The following UBE2H variants were observed in gnomAD, a reference collection of about 807,000 sequenced individuals.
The protein encoded by UBE2H is ubiquitin-conjugating enzyme E2 H.
A neutral mutation model predicts 29.0 loss-of-function variants in UBE2H; 3 were observed. The ratio of observed to expected loss-of-function variants is 0.10; its 90% CI spans 0.05 to 0.27. The LOEUF (loss-of-function observed/expected upper bound fraction) is 0.27. Among genes scored for constraint, UBE2H ranks in the 10% least tolerant of loss-of-function variants. The pLI, the probability that UBE2H is intolerant of heterozygous loss-of-function variation, is 1.00. For synonymous variants in UBE2H, 69 were observed against 82.9 expected (o/e 0.83, Z 0.91); for missense variants, 68 against 228.2 (o/e 0.30, Z 4.52).
chr7:129,941,257 G>A (rs567640168), intron 1 of UBE2H, among the ~76,000 whole-genome samples: 1 of 152,014 alleles, frequency 6.6e-6, no homozygotes, highest in East Asian at 1.9e-4. Context: ...TGCCCAGGCT[G>A]GTTGGTCTCG....
intron 5 of UBE2H, among the ~76,000 whole-genome samples, chr7:129,846,346 AAATAATAATAAT>A (rs71175044): frequency 0.77 from 113,025 of 146,300 alleles, 44,049 homozygotes; most frequent in Non-Finnish European, 0.82. Flanking sequence ...GGTCTCTACA[AAATAATAATAAT>A]AATAATAATA....
intron 1 of UBE2H, among the ~76,000 whole-genome samples, chr7:129,935,384 G>A (rs1807505990): frequency 6.7e-6 from 1 of 148,508 alleles, no homozygotes; most frequent in African/African-American, 2.5e-5. Flanking sequence ...CTGCACTCCA[G>A]CCTGGGCGAC....
chr7:129,908,980 C>T (rs1256159319), intron 1 of UBE2H, among the ~76,000 whole-genome samples: 4 of 152,330 alleles, frequency 2.6e-5, no homozygotes, highest in South Asian at 2.1e-4. Flanking sequence ...TAACTTCCTA[C>T]ACACAAAAGC....
chr7:129,863,808 G>GTTTTTTTTTTTTTT (rs34701981), intron 3 of UBE2H, among the ~76,000 whole-genome samples: 1 of 136,040 alleles, frequency 7.4e-6, no homozygotes, highest in African/African-American at 2.8e-5. Context: ...AATACTAGGT[G>GTTTTTTTTTTTTTT]TTTTTTTTTT....
chr7:129,931,493 CATATAA>C (rs1465743003), intron 1 of UBE2H, among the ~76,000 whole-genome samples: 4 of 151,664 alleles, frequency 2.6e-5, no homozygotes, highest in South Asian at 2.1e-4. Context: ...AAATCTTATG[CATATAA>C]ATATAAATCA....
chr7:129,904,380 A>G (rs1806775527), intron 1 of UBE2H, among the ~76,000 whole-genome samples: 1 of 151,942 alleles, frequency 6.6e-6, no homozygotes, highest in African/African-American at 2.4e-5. Flanking sequence ...TTGGCCTTCC[A>G]AAGTGCTGGG....
intron 3 of UBE2H, among the ~76,000 whole-genome samples, chr7:129,877,697 C>A (rs766009592): frequency 2.7e-4 from 41 of 152,136 alleles, no homozygotes; most frequent in Non-Finnish European, 5.3e-4. Flanking sequence ...TTTCATATTG[C>A]ATCATTAATT....
chr7:129,837,893 G>C (rs184793543), intron 6 of UBE2H, among the ~76,000 whole-genome samples: 1 of 152,124 alleles, frequency 6.6e-6, no homozygotes, highest in African/African-American at 2.4e-5. Flanking sequence ...GATAAATGTA[G>C]GCTCGGTTCT....
At chr7:129,927,922 G>A (rs543597842) in intron 1 of UBE2H, among the ~76,000 whole-genome samples, 66 of 151,822 alleles carry the variant, frequency 4.3e-4, no homozygotes, top group African/African-American at 1.2e-3. Context: ...GTAGCTGAGC[G>A]CAGTGGCTCA....
chr7:129,907,373 A>C (rs1357571234), intron 1 of UBE2H, among the ~76,000 whole-genome samples: 2 of 152,074 alleles, frequency 1.3e-5, no homozygotes, highest in Non-Finnish European at 2.9e-5. Flanking sequence ...AGGAAAGGCC[A>C]AGCAGTCAAG....
At chr7:129,899,015 A>G (rs1242264747) in intron 1 of UBE2H, among the ~76,000 whole-genome samples, 1 of 152,224 alleles carries the variant, frequency 6.6e-6, no homozygotes. Flanking sequence ...CTGCCCATGC[A>G]TCTAGGGAGG....
intron 1 of UBE2H, among the ~76,000 whole-genome samples, chr7:129,911,226 G>A (rs969862164): frequency 1.3e-5 from 2 of 152,072 alleles, no homozygotes; most frequent in Non-Finnish European, 2.9e-5. Flanking sequence ...AAGTTAGCCA[G>A]GCATGGTGGC....
intron 6 of UBE2H, among the ~76,000 whole-genome samples, 153 bp from the exon 7 acceptor site, chr7:129,835,214 G>C (rs930077111): frequency 6.6e-6 from 1 of 152,156 alleles, no homozygotes; most frequent in Non-Finnish European, 1.5e-5. Context: ...TACAGCTAAG[G>C]AGAATCCCAT....
intron 1 of UBE2H, among the ~76,000 whole-genome samples, chr7:129,905,816 G>A (rs147133796): frequency 6.4e-4 from 97 of 152,240 alleles, no homozygotes; most frequent in Middle Eastern, 6.8e-3. Context: ...AGAGAGGCCA[G>A]GCACAGCGGC....
chr7:129,846,581 A>C (rs1024509118), intron 5 of UBE2H, among the ~76,000 whole-genome samples: 14 of 152,072 alleles, frequency 9.2e-5, no homozygotes, highest in African/African-American at 2.9e-4. Flanking sequence ...TCAAAAAAAA[A>C]ATGTAATATA....
In UBE2H at chr7:129,834,967, G is replaced by A. The variant is rs145698503; in HGVS notation, c.522C>T (p.Ser174=). The A allele has an allele frequency of 4.6e-5, 75 of 1,613,540 alleles. No homozygotes were observed. The African/African-American group carries it at 8.7e-4, about 19-fold the overall frequency. ...ACTCCATATCCTGGGCCTCATCTTC[G>A]GAAAAGTCAGACATAGAGCTCTCCG... is the stretch of plus-strand genomic sequence containing the variant. ...SSSESSMSDF[S]EDEAQDMEL is the part of the protein sequence containing the mutation. Residue 174 remains serine, a synonymous_variant, in exon 7 of 7, where the codon TCC becomes TCT. Coordinates refer to ENST00000355621, the MANE Select transcript of UBE2H (RefSeq NM_003344.4).
At chr7:129,863,199 A>G (rs1805834036) in intron 3 of UBE2H, among the ~76,000 whole-genome samples, 1 of 152,216 alleles carries the variant, frequency 6.6e-6, no homozygotes, top group East Asian at 1.9e-4. Flanking sequence ...TAAATAACAG[A>G]ACCAAAAAGG....
intron 1 of UBE2H, among the ~76,000 whole-genome samples, chr7:129,932,193 G>A (rs757818616): frequency 4.0e-5 from 6 of 149,618 alleles, no homozygotes; most frequent in Non-Finnish European, 8.9e-5. Context: ...GCGCAATCTC[G>A]GCTCACTGCA....
At chr7:129,928,757 T>C (rs1807324167) in intron 1 of UBE2H, among the ~76,000 whole-genome samples, 1 of 152,156 alleles carries the variant, frequency 6.6e-6, no homozygotes, top group Non-Finnish European at 1.5e-5. Flanking sequence ...GAAGTATCAC[T>C]GTATGCCATA....
Sources: gnomAD v4.1 joint callset for allele counts (sites outside exome capture counted in the v4.1 genomes callset) on GRCh38, gnomAD v4.1.1 for gene constraint, MANE v1.5 for transcripts, NCBI Gene and HGNC (gene_info 2026-07-23, HGNC 2026-07-21) for gene names.